The following IL1RAPL1 variants were observed in gnomAD, a reference collection of about 807,000 sequenced individuals.
IL1RAPL1 encodes the protein interleukin-1 receptor accessory protein-like 1.
IL1RAPL1 carries 3 observed loss-of-function variants against 48.4 expected under a neutral mutation model. The ratio of observed to expected loss-of-function variants is 0.06; its 90% CI spans 0.03 to 0.16. IL1RAPL1 has a LOEUF of 0.16. Among genes scored for constraint, IL1RAPL1 ranks in the 10% least tolerant of loss-of-function variants. IL1RAPL1 has a pLI of 1.00. For missense variants in IL1RAPL1, 349 were observed against 530.6 expected (o/e 0.66, Z 3.36); for synonymous variants, 185 against 187.7 (o/e 0.99, Z 0.12).
chrX:29,336,914 T>C (rs1338447179), intron 3 of IL1RAPL1, among the ~76,000 whole-genome samples: 2 of 109,672 alleles, frequency 1.8e-5, no homozygotes, highest in African/African-American at 3.3e-5. Flanking sequence ...GGGAGAGGAG[T>C]TCTAGTTTCT....
At chrX:29,139,103 C>G (rs769369350) in intron 2 of IL1RAPL1, among the ~76,000 whole-genome samples, 1 of 111,713 alleles carries the variant, frequency 9.0e-6, no homozygotes, top group Non-Finnish European at 1.9e-5. Flanking sequence ...TACAGAAGGT[C>G]AGCCAGTAGC....
intron 3 of IL1RAPL1, among the ~76,000 whole-genome samples, chrX:29,317,396 C>G (rs1932774091): frequency 8.9e-6 from 1 of 112,144 alleles, no homozygotes; most frequent in African/African-American, 3.2e-5. Context: ...AATTAACCAC[C>G]TTTGGCTTTT....
chrX:28,663,076 A>G (rs1280349475), intron 1 of IL1RAPL1, among the ~76,000 whole-genome samples: 1 of 112,105 alleles, frequency 8.9e-6, no homozygotes, highest in Non-Finnish European at 1.9e-5. Flanking sequence ...AACGAAGAAA[A>G]AAGTATTTAG....
intron 2 of IL1RAPL1, among the ~76,000 whole-genome samples, chrX:29,199,355 G>T (rs200537616): frequency 1.3e-3 from 146 of 110,487 alleles, no homozygotes; most frequent in Admixed American, 0.011. Flanking sequence ...AATAGTCTCT[G>T]TTTATGAATA....
chrX:29,449,154 A>G (rs1443684536), intron 5 of IL1RAPL1, among the ~76,000 whole-genome samples: 1 of 111,854 alleles, frequency 8.9e-6, no homozygotes, highest in Non-Finnish European at 1.9e-5. Flanking sequence ...CCATTTATAC[A>G]TAAGGAAACC....
intron 8 of IL1RAPL1, among the ~76,000 whole-genome samples, chrX:29,929,668 C>A (rs1290865757): frequency 9.0e-6 from 1 of 111,485 alleles, no homozygotes; most frequent in Non-Finnish European, 1.9e-5. Flanking sequence ...TACCGACTTA[C>A]AATGGTTGCC....
chrX:28,961,233 A>C (rs1924768875), intron 2 of IL1RAPL1, among the ~76,000 whole-genome samples: 1 of 110,940 alleles, frequency 9.0e-6, no homozygotes, highest in African/African-American at 3.3e-5. Flanking sequence ...CCACATAGCA[A>C]TGTAAGCACA....
intron 6 of IL1RAPL1, among the ~76,000 whole-genome samples, chrX:29,764,124 T>G: frequency 8.9e-6 from 1 of 111,900 alleles, no homozygotes; most frequent in East Asian, 2.8e-4. Context: ...TTTATTATTA[T>G]TAAAATAATC....
At chrX:28,940,481 G>A (rs981884407) in intron 2 of IL1RAPL1, among the ~76,000 whole-genome samples, 11 of 110,702 alleles carry the variant, frequency 9.9e-5, no homozygotes, top group Non-Finnish European at 2.1e-4. Context: ...CTTTGCTTAT[G>A]AACAGTTTAG....
At chrX:29,108,524 C>A (rs866251461) in intron 2 of IL1RAPL1, among the ~76,000 whole-genome samples, 4 of 110,594 alleles carry the variant, frequency 3.6e-5, no homozygotes, top group Admixed American at 9.7e-5. Flanking sequence ...GCCTTAGCCT[C>A]CTGAGTAGCT....
At position 29,091,718 on chromosome X, in the gene IL1RAPL1, A is replaced by G. The variant is rs185852190; in HGVS notation, c.83-191220A>G. On this transcript the variant is annotated intron_variant, in intron 2 of 10. Coordinates refer to ENST00000378993, the MANE Select transcript of IL1RAPL1 (RefSeq NM_014271.4). ...TTTAGAAAATATACAGGGAGTACAC[A>G]TATTATTTCAAATAATATTAATACT... 2.7e-4 allele frequency among the ~76,000 whole-genome samples: 30 copies of G among 111,449 alleles called. No individual in the cohort carries two copies. In the East Asian group the frequency reaches 7.6e-3, roughly 28 times the overall value.
intron 5 of IL1RAPL1, among the ~76,000 whole-genome samples, chrX:29,566,413 T>C (rs1396011532): frequency 1.8e-5 from 2 of 109,902 alleles, no homozygotes; most frequent in Non-Finnish European, 3.8e-5. Context: ...TTGGGCAACA[T>C]AGTGAAACTC....
At chrX:29,620,976 G>T (rs6526909) in intron 5 of IL1RAPL1, among the ~76,000 whole-genome samples, 51,470 of 110,690 alleles carry the variant, frequency 0.46, 9,345 homozygotes, top group African/African-American at 0.68. Context: ...TAAATAGAAA[G>T]AATTCTCTTG....
chrX:28,798,033 C>T (rs774253106), intron 2 of IL1RAPL1, among the ~76,000 whole-genome samples: 1 of 110,943 alleles, frequency 9.0e-6, no homozygotes. Flanking sequence ...CATCAGATCT[C>T]ATGTGACTCA....
At chrX:29,908,450 C>T (rs1382280511) in intron 6 of IL1RAPL1, among the ~76,000 whole-genome samples, 2 of 109,125 alleles carry the variant, frequency 1.8e-5, no homozygotes, top group Admixed American at 9.9e-5. Flanking sequence ...CACATTCTCT[C>T]TTGGTTTTAT....
At chrX:29,425,396 T>C (rs975735226) in intron 5 of IL1RAPL1, among the ~76,000 whole-genome samples, 1 of 110,699 alleles carries the variant, frequency 9.0e-6, no homozygotes, top group Non-Finnish European at 1.9e-5. Flanking sequence ...AAGGGCCCAC[T>C]GTTTGTCTGC....
At chrX:28,688,855 T>C (rs376748719) in intron 1 of IL1RAPL1, among the ~76,000 whole-genome samples, 9 of 111,127 alleles carry the variant, frequency 8.1e-5, no homozygotes, top group African/African-American at 2.3e-4. Context: ...CTTCAAACTT[T>C]GGATTTTCAG....
chrX:29,030,758 G>C (rs1019284305), intron 2 of IL1RAPL1, among the ~76,000 whole-genome samples: 7 of 111,301 alleles, frequency 6.3e-5, no homozygotes, highest in Non-Finnish European at 1.1e-4. Flanking sequence ...ACTCCTATTT[G>C]AAGAGTGAAA....
At chrX:29,321,812 A>G (rs1681363926) in intron 3 of IL1RAPL1, among the ~76,000 whole-genome samples, 2 of 111,584 alleles carry the variant, frequency 1.8e-5, no homozygotes, top group Non-Finnish European at 3.8e-5. Context: ...GTATGTATGG[A>G]CAAGACAAGA....
Sources: allele counts gnomAD v4.1 joint callset (sites outside exome capture counted in the v4.1 genomes callset), GRCh38; gene constraint gnomAD v4.1.1; transcripts MANE v1.5; gene names NCBI Gene and HGNC (gene_info 2026-07-23, HGNC 2026-07-21).